CACNA1C: variants seen among roughly 807,000 people sequenced by gnomAD.
CACNA1C encodes the protein voltage-dependent L-type calcium channel subunit alpha-1C.
CACNA1C carries 30 observed loss-of-function variants against 229.0 expected under a neutral mutation model. The observed-to-expected ratio is 0.13, with a 90% CI of 0.10 to 0.18. The LOEUF is 0.18. Ranked by LOEUF, CACNA1C falls within the 10% of genes least tolerant of loss-of-function variation. The pLI, the probability that CACNA1C is intolerant of heterozygous loss-of-function variation, is 1.00. For synonymous variants in CACNA1C, 1,114 were observed against 1,132.5 expected (o/e 0.98, Z 0.33); for missense variants, 1,658 against 2,845.0 (o/e 0.58, Z 9.49).
At position 2,378,811 on chromosome 12, in the gene CACNA1C, TTC is replaced by T. The variant is rs1274069753; in HGVS notation, c.478-70164_478-70163del. ...CTTCCTTCCTTCCTTCCTTCCTTCC[TTC>T]CTTCCTCTCTCTCTTTCCTTCTTTT... On this transcript the variant is annotated intron_variant, in intron 3 of 46. Coordinates refer to ENST00000399655, the MANE Select transcript of CACNA1C (RefSeq NM_000719.7). Among the ~76,000 whole-genome samples the T allele has an allele frequency of 2.7e-3, 377 of 139,450 alleles. 2 individuals carry two copies. The highest frequency in any genetic ancestry group is 8.3e-3 in the African/African-American group (316 of 38,256). The allele number at this position is 139,450 out of a possible 152,430, so 91.5% of individuals were successfully genotyped here.
chr12:2,601,638 C>T lies in CACNA1C; in HGVS notation c.2854-216C>T, dbSNP rs1347357542. On this transcript the variant is annotated intron_variant, in intron 21 of 46. Coordinates refer to ENST00000399655, the MANE Select transcript of CACNA1C (RefSeq NM_000719.7). This position sits in a 1 kb window ranked among gnomAD's most constrained non-coding sequence, Gnocchi z 5.9. ...TTGGCCTGGCAGGTGCAAGGAGCCA[C>T]CCAGCAGTCCTGGGCTGCGAGAGTC... 6.6e-6 allele frequency among the ~76,000 whole-genome samples: 1 copy of T among 152,202 alleles called. No individual in the cohort carries two copies. The highest frequency in any genetic ancestry group is 1.5e-5 in the Non-Finnish European group (1 of 68,048).
intron 3 of CACNA1C, among the ~76,000 whole-genome samples, chr12:2,137,727 T>G (rs963371790): frequency 6.6e-6 from 1 of 151,322 alleles, no homozygotes; most frequent in African/African-American, 2.4e-5. Context: ...CTGTGAACCT[T>G]TTTCCTCAGC....
chr12:2,039,693 G>A (rs954660431), intron 1 of CACNA1C, among the ~76,000 whole-genome samples: 7 of 152,142 alleles, frequency 4.6e-5, no homozygotes, highest in African/African-American at 1.7e-4. Context: ...AACTTGACCC[G>A]GGACTCTTGA....
chr12:2,677,655 T>G lies in CACNA1C; in HGVS notation c.4957-78T>G. ...TGCCAGGGCCCTGGAGGGACAGGTC[T>G]TGGCCCGAGGCTGTGGCTGGCTGGG... On this transcript the variant is annotated intron_variant, in intron 40 of 46. Transcript: ENST00000399655. The surrounding 1 kb of genome is among the most constrained non-coding windows in gnomAD (Gnocchi z 7.4). 2 of 1,523,472 alleles carry G rather than the reference T, an allele frequency of 1.3e-6. No homozygotes were observed. The highest frequency in any genetic ancestry group is 1.8e-6 in the Non-Finnish European group (2 of 1,122,364). 94.4% of individuals were successfully genotyped at this position (1,523,472 alleles called of 1,614,324 possible).
intron 3 of CACNA1C, among the ~76,000 whole-genome samples, chr12:2,427,941 A>C (rs1470599315): frequency 2.6e-5 from 4 of 152,214 alleles, no homozygotes; most frequent in African/African-American, 7.2e-5. Context: ...TTTAAAAAGT[A>C]AAATACCATT....
At chr12:2,461,973 T>C (rs1219859830) in intron 5 of CACNA1C, among the ~76,000 whole-genome samples, 1 of 152,156 alleles carries the variant, frequency 6.6e-6, no homozygotes, top group Non-Finnish European at 1.5e-5. Flanking sequence ...GTTCCTGCCC[T>C]GCTCAGGACC....
chr12:2,508,548 G>A (rs2099776814), intron 8 of CACNA1C, among the ~76,000 whole-genome samples: 1 of 152,220 alleles, frequency 6.6e-6, no homozygotes, highest in South Asian at 2.1e-4. Context: ...AGGTATTCGG[G>A]AAGCCGAGGT....
rs577460216 is a variant in CACNA1C, at chr12:2,182,740, A to G, written c.477+62310A>G. On this transcript the variant is annotated intron_variant, in intron 3 of 46. Transcript: ENST00000399655. ...GTGCGCCTGAGCATCCCTGAGTCCA[A>G]GGTAGGGGAAAGAGGAAGTGGTCCA... is the stretch of plus-strand genomic sequence containing the variant. Among the ~76,000 whole-genome samples the G allele has an allele frequency of 1.4e-4, 21 of 152,224 alleles. No individual in the cohort carries two copies. The East Asian group carries it at 3.9e-3, about 28-fold the overall frequency.
chr12:2,568,344 G>A (rs2052406685), intron 13 of CACNA1C, among the ~76,000 whole-genome samples: 2 of 152,142 alleles, frequency 1.3e-5, no homozygotes, highest in Admixed American at 6.5e-5. Flanking sequence ...GGAGAAATTG[G>A]AACCCTTGTG....
chr12:2,564,481 C>T (rs1421632984), intron 11 of CACNA1C, among the ~76,000 whole-genome samples: 3 of 152,176 alleles, frequency 2.0e-5, no homozygotes, highest in Non-Finnish European at 4.4e-5. Flanking sequence ...CTCCTGCCTT[C>T]ATTACCCAGG....
At chr12:2,238,589 A>G (rs1481467014) in intron 3 of CACNA1C, among the ~76,000 whole-genome samples, 1 of 152,218 alleles carries the variant, frequency 6.6e-6, no homozygotes, top group Non-Finnish European at 1.5e-5. Flanking sequence ...ACAGGCCTCA[A>G]AGAAATAGGC....
At chr12:2,530,378 C>T (rs1313030217) in intron 9 of CACNA1C, among the ~76,000 whole-genome samples, 1 of 152,164 alleles carries the variant, frequency 6.6e-6, no homozygotes, top group Non-Finnish European at 1.5e-5. Context: ...ATTTAAAACC[C>T]AATAGAAGCT....
intron 3 of CACNA1C, among the ~76,000 whole-genome samples, chr12:2,242,561 T>G (rs1419931109): frequency 6.6e-6 from 1 of 152,248 alleles, no homozygotes; most frequent in Admixed American, 6.5e-5. Flanking sequence ...CAAAAAAATT[T>G]ATTCTTAATC....
chr12:2,075,782 T>C (rs2062978241), intron 1 of CACNA1C, among the ~76,000 whole-genome samples: 1 of 152,216 alleles, frequency 6.6e-6, no homozygotes, highest in Non-Finnish European at 1.5e-5. Flanking sequence ...GAGTCCTGGC[T>C]TGTGCTGTGC....
At chr12:2,438,876 C>T (rs1192441666) in intron 3 of CACNA1C, among the ~76,000 whole-genome samples, 1 of 152,028 alleles carries the variant, frequency 6.6e-6, no homozygotes, top group Non-Finnish European at 1.5e-5. Flanking sequence ...TGGTCTAACT[C>T]CTGAAAGAAG....
At chr12:2,102,695 A>G (rs1278423266) in intron 1 of CACNA1C, among the ~76,000 whole-genome samples, 1 of 152,082 alleles carries the variant, frequency 6.6e-6, no homozygotes, top group African/African-American at 2.4e-5. Context: ...TCAACCCATC[A>G]TCTACATTTG....
intron 43 of CACNA1C, among the ~76,000 whole-genome samples, chr12:2,683,761 C>G (rs2097296793): frequency 6.6e-6 from 1 of 152,204 alleles, no homozygotes; most frequent in Non-Finnish European, 1.5e-5. Flanking sequence ...ATGTCAAGAA[C>G]CTGGGATGCT....
chr12:2,585,644 G>A lies in CACNA1C; in HGVS notation c.2460+148G>A, dbSNP rs1365914656. On this transcript the variant is annotated intron_variant, in intron 17 of 46. Transcript: ENST00000399655. This position sits in a 1 kb window ranked among gnomAD's most constrained non-coding sequence, Gnocchi z 4.1. Reference sequence around the variant, plus strand: ...CCAGTGGGGATGAACAGGAGAGCTGGGAGGGGGAAGATAAGGCAGATTGGC... The same window carrying A: ...CCAGTGGGGATGAACAGGAGAGCTGAGAGGGGGAAGATAAGGCAGATTGGC... The A allele has an allele frequency of 5.6e-6, 6 of 1,064,106 alleles. No homozygotes were observed. The highest frequency in any genetic ancestry group is 1.6e-5 in the African/African-American group (1 of 62,296). The allele number at this position is 1,064,106 out of a possible 1,614,324, so 65.9% of individuals were successfully genotyped here. A position where few individuals can be genotyped will look rare whatever the true frequency, so the allele number is the denominator to read the frequency against.
chr12:2,097,397 C>A (rs527896485), intron 1 of CACNA1C, among the ~76,000 whole-genome samples: 3 of 152,062 alleles, frequency 2.0e-5, no homozygotes, highest in Non-Finnish European at 4.4e-5. Context: ...CCGCCCGCCT[C>A]GACCTCCCAA....
Sources: gnomAD v4.1 joint callset for allele counts (sites outside exome capture counted in the v4.1 genomes callset) on GRCh38, gnomAD v4.1.1 for gene constraint, Gnocchi (gnomAD v3.1) non-coding constraint, MANE v1.5 for transcripts, NCBI Gene and HGNC (gene_info 2026-07-23, HGNC 2026-07-21) for gene names.